MYO5C: variants seen among roughly 807,000 people sequenced by gnomAD.
MYO5C encodes myosin VC.
Under a neutral mutation model 235.7 loss-of-function variants are expected in MYO5C, and 194 were observed. That is an observed-to-expected ratio of 0.82 (90% confidence interval 0.73 to 0.93). The LOEUF (loss-of-function observed/expected upper bound fraction) is 0.93. Among genes scored for constraint, MYO5C ranks in the 40% least tolerant of loss-of-function variants. The pLI is 0.00. For missense variants in MYO5C, 2,038 were observed against 2,127.2 expected, an observed-to-expected ratio of 0.96 and a Z score of 0.82; for synonymous variants, 707 against 754.8, an observed-to-expected ratio of 0.94 and a Z score of 1.04.
intron 23 of MYO5C, among the ~76,000 whole-genome samples, chr15:52,233,299 T>A (rs867932158): frequency 4.2e-5 from 6 of 142,206 alleles, no homozygotes; most frequent in African/African-American, 1.7e-4. Flanking sequence ...AAAAAAAAAT[T>A]AAAAAAAAAA....
intron 31 of MYO5C, 101 bp downstream of exon 31, chr15:52,219,658 A>C: frequency 1.2e-6 from 1 of 847,954 alleles, no homozygotes; most frequent in Admixed American, 2.1e-5. Context: ...ATTAATTAGC[A>C]TCTTGCTTTT....
chr15:52,241,749 T>TGAGAGAGA (rs35362776), intron 20 of MYO5C, among the ~76,000 whole-genome samples: 2 of 150,062 alleles, frequency 1.3e-5, no homozygotes, highest in Non-Finnish European at 1.5e-5. Flanking sequence ...TGTGTGTGTG[T>TGAGAGAGA]GTGAGAGAGA....
Position 52,260,197 on chromosome 15 carries a change from G to C in MYO5C, c.1313+665C>G, listed in dbSNP as rs573795584. 3.3e-5 allele frequency among the ~76,000 whole-genome samples: 5 copies of C among 152,342 alleles called. No individual in the cohort carries two copies. In the East Asian group the frequency reaches 9.6e-4, roughly 29 times the overall value. On this transcript the variant is annotated intron_variant, in intron 10 of 40. Coordinates refer to ENST00000261839, the MANE Select transcript of MYO5C (RefSeq NM_018728.4). ...TTAGAAAAGGAGGACCAGGCAGAGA[G>C]AATGAAAAAGAACCCAACTCCAGGG...
intron 17 of MYO5C, 25 bp downstream of exon 17, chr15:52,245,931 T>G (rs2036331693): frequency 1.2e-6 from 2 of 1,606,398 alleles, no homozygotes; most frequent in African/African-American, 2.7e-5. Context: ...TACTTTTCCC[T>G]CCAAGACAAG....
chr15:52,244,427 C>A lies in MYO5C; in HGVS notation c.2319G>T (p.Arg773Ser). 1 of 1,614,064 alleles carries A rather than the reference C, an allele frequency of 6.2e-7. No homozygotes were observed. Among genetic ancestry groups the A allele is most frequent in the Non-Finnish European group, 8.5e-7 (1 of 1,180,004 alleles). The change falls in exon 19 of 41, where the codon AGG becomes AGT. Residue 773 changes from arginine (R) to serine (S), a missense_variant. By Grantham distance (110) the Arg-to-Ser change is moderately radical (BLOSUM62 -1). Coordinates refer to ENST00000261839, the MANE Select transcript of MYO5C (RefSeq NM_018728.4). ...VQKHMRGWLQ[R>S]KKFLRERRAA... is the part of the protein sequence containing the mutation. ...CTCGTCTCTCTCGGAGGAATTTTTT[C>A]CTCTGGAGCCAGCCACGCATGTGCT... is the stretch of plus-strand genomic sequence containing the variant.
At chr15:52,256,787 T>A in intron 10 of MYO5C, 67 bp from the exon 11 acceptor site, 1 of 1,231,652 alleles carries the variant, frequency 8.1e-7, no homozygotes, top group Non-Finnish European at 1.2e-6. Context: ...TTTATAGATA[T>A]TTTTTGACAC....
rs1418172792 is a variant in MYO5C, at chr15:52,233,186, G to A, written c.2963-501C>T. ...CCCAGCTACTTGGGAGGCTGAGGCA[G>A]GAGAATGGCGTGAACCCGGGAGGTG... is the stretch of plus-strand genomic sequence containing the variant. On this transcript the variant is annotated intron_variant, in intron 23 of 40. Coordinates refer to ENST00000261839, the MANE Select transcript of MYO5C (RefSeq NM_018728.4). 7.5e-5 allele frequency among the ~76,000 whole-genome samples: 3 copies of A among 39,796 alleles called. 1 individual carries two copies. The highest frequency in any genetic ancestry group is 1.3e-4 in the African/African-American group (3 of 22,474). The allele number at this position is 39,796 out of a possible 152,430, so 26.1% of individuals were successfully genotyped here.
intron 38 of MYO5C, among the ~76,000 whole-genome samples, chr15:52,198,255 A>G (rs978910916): frequency 2.0e-5 from 3 of 152,136 alleles, no homozygotes; most frequent in African/African-American, 7.2e-5. Flanking sequence ...GAATCACTTG[A>G]ACCCGGGAGG....
At chr15:52,256,583 A>ACGCGCGCG (rs750543678) in intron 11 of MYO5C, 56 bp downstream of exon 11, 27 of 915,736 alleles carry the variant, frequency 2.9e-5, no homozygotes, top group South Asian at 1.3e-4. Flanking sequence ...ACACACACAC[A>ACGCGCGCG]CACACGCGCG....
intron 37 of MYO5C, 41 bp from the exon 38 acceptor site, chr15:52,205,188 C>G (rs762545176): frequency 1.2e-6 from 2 of 1,600,056 alleles, no homozygotes; most frequent in East Asian, 4.5e-5. Flanking sequence ...CGCCAGGAGA[C>G]ACACGCGGAA....
chr15:52,223,519 C>T (rs2035747964), intron 29 of MYO5C, 25 bp downstream of exon 29: 2 of 1,603,626 alleles, frequency 1.2e-6, no homozygotes, highest in East Asian at 4.5e-5. Flanking sequence ...ATGGCCACGA[C>T]TGGGGCCCCT....
intron 22 of MYO5C, 39 bp downstream of exon 22, chr15:52,237,443 C>T (rs371123478): frequency 1.3e-6 from 2 of 1,594,940 alleles, no homozygotes; most frequent in Non-Finnish European, 1.7e-6. Context: ...CACAGAGAGT[C>T]CGCATATTTC....
chr15:52,204,347 T>A (rs1364515565), intron 38 of MYO5C, among the ~76,000 whole-genome samples: 1 of 151,846 alleles, frequency 6.6e-6, no homozygotes, highest in Admixed American at 6.6e-5. Context: ...TTCTTCTCCG[T>A]TTCCTTTATC....
At position 52,288,798 on chromosome 15, in the gene MYO5C, A is replaced by G. The variant is rs925025394; in HGVS notation, c.28-5906T>C. Among the ~76,000 whole-genome samples, 6 of 152,186 alleles carry G rather than the reference A, an allele frequency of 3.9e-5. No homozygotes were observed. The East Asian group carries it at 1.2e-3, about 29-fold the overall frequency. ...CGCCAAGCCCTTCAGCGGAGCCAGGAAAGAGAGGGCCACCTCCCAACTTCC... is the reference window on the plus strand; with the variant it reads ...CGCCAAGCCCTTCAGCGGAGCCAGGGAAGAGAGGGCCACCTCCCAACTTCC... On this transcript the variant is annotated intron_variant, in intron 1 of 40. Coordinates refer to ENST00000261839, the MANE Select transcript of MYO5C (RefSeq NM_018728.4).
At chr15:52,291,328 C>T (rs78875028) in intron 1 of MYO5C, among the ~76,000 whole-genome samples, 2,800 of 152,284 alleles carry the variant, frequency 0.018, 84 homozygotes, top group South Asian at 0.13. Context: ...TGTCACTCTC[C>T]TCAAGCCGTC....
chr15:52,196,387 C>T lies in MYO5C; in HGVS notation c.4917G>A (p.Trp1639Ter). The change falls in exon 39 of 41, where the codon TGG (tryptophan) becomes TGA (stop). Residue 1639 changes from tryptophan to a stop codon, truncating the protein, a stop_gained. Transcript: ENST00000261839. LOFTEE classifies it high-confidence loss of function. The stretch of plus-strand genomic sequence containing the variant: ...CTGTGGTCTTCTTGACCTGAAGCAA[C>T]CAGGCTGCCTGAGAGAGGGGCTCCA... ...ETLEPLSQAA[W>*]LLQVKKTTDS... The T allele has an allele frequency of 1.9e-6, 3 of 1,614,182 alleles. No individual in the cohort carries two copies. The highest frequency in any genetic ancestry group is 2.5e-6 in the Non-Finnish European group (3 of 1,180,036).
intron 10 of MYO5C, among the ~76,000 whole-genome samples, chr15:52,259,006 T>A (rs7172236): frequency 0.94 from 142,836 of 152,186 alleles, 67,423 homozygotes; most frequent in Non-Finnish European, 0.99. Flanking sequence ...CATCCTAACC[T>A]CTACTGCCGG....
At chr15:52,211,647 G>T (rs1329194421) in intron 35 of MYO5C, 83 bp downstream of exon 35, 1 of 1,440,592 alleles carries the variant, frequency 6.9e-7, no homozygotes, top group African/African-American at 1.4e-5. Context: ...CCACACAATG[G>T]AGGCTCAGGA....
chr15:52,252,018 T>C (rs999610490), intron 12 of MYO5C, among the ~76,000 whole-genome samples: 3 of 152,178 alleles, frequency 2.0e-5, no homozygotes, highest in African/African-American at 7.2e-5. Context: ...TTGATCTTAA[T>C]CTTTAGGGCA....
Sources: gnomAD v4.1 joint callset for allele counts (sites outside exome capture counted in the v4.1 genomes callset) on GRCh38, gnomAD v4.1.1 for gene constraint, MANE v1.5 for transcripts, NCBI Gene and HGNC (gene_info 2026-07-23, HGNC 2026-07-21) for gene names.